TSGA10: variants seen among roughly 807,000 people sequenced by gnomAD.
TSGA10 encodes testis specific 10.
Under a neutral mutation model 96.6 loss-of-function variants are expected in TSGA10, and 43 were observed. That is an observed-to-expected ratio of 0.44 (90% CI 0.35 to 0.57). The LOEUF (loss-of-function observed/expected upper bound fraction) is 0.57, where lower values mean the gene tolerates loss of function less well. TSGA10 is among the 20% of genes least tolerant of loss of function. The pLI is 0.01. For synonymous variants in TSGA10, 229 were observed against 269.9 expected, an observed-to-expected ratio of 0.85 and a Z score of 1.48; for missense variants, 703 against 834.4, an observed-to-expected ratio of 0.84 and a Z score of 1.94.
chr2:99,077,127 C>CTTTTTTTTTTTT (rs35876721), intron 12 of TSGA10, among the ~76,000 whole-genome samples: 1 of 70,430 alleles, frequency 1.4e-5, no homozygotes, highest in African/African-American at 5.7e-5. Flanking sequence ...GACCATTCAC[C>CTTTTTTTTTTTT]TTTTTTTTTT....
chr2:99,127,954 T>C (rs2092914488), intron 1 of TSGA10, among the ~76,000 whole-genome samples: 1 of 152,268 alleles, frequency 6.6e-6, no homozygotes, highest in African/African-American at 2.4e-5. Flanking sequence ...TTTTTCACTT[T>C]AGCATACTAT....
chr2:99,141,130 C>A, intron 1 of TSGA10: 1 of 1,279,776 alleles, frequency 7.8e-7, no homozygotes, highest in African/African-American at 1.5e-5. Flanking sequence ...CCGTCCTGCC[C>A]AGAGCTCATC....
At chr2:99,063,766 A>ACTCTC (rs60670654) in intron 16 of TSGA10, among the ~76,000 whole-genome samples, 52,927 of 151,546 alleles carry the variant, frequency 0.35, 10,510 homozygotes, top group African/African-American at 0.55. Context: ...AGATCACGCC[A>ACTCTC]CTGCACTCCA....
intron 12 of TSGA10, among the ~76,000 whole-genome samples, chr2:99,078,070 G>A (rs2086951029): frequency 6.6e-6 from 1 of 151,242 alleles, no homozygotes; most frequent in East Asian, 2.0e-4. Flanking sequence ...AGGAGATTGA[G>A]ACCATCCTGA....
chr2:99,134,987 C>T (rs150786463), intron 1 of TSGA10, among the ~76,000 whole-genome samples: 1 of 152,158 alleles, frequency 6.6e-6, no homozygotes, highest in Non-Finnish European at 1.5e-5. Context: ...GAGGGGCACC[C>T]ACCAGATGCC....
At chr2:99,087,775 A>G (rs562310338) in intron 10 of TSGA10, among the ~76,000 whole-genome samples, 1 of 152,324 alleles carries the variant, frequency 6.6e-6, no homozygotes, top group East Asian at 1.9e-4. Context: ...TAAAAAAATC[A>G]TACATTTCAG....
At chr2:99,081,190 A>G in intron 11 of TSGA10, 92 bp downstream of exon 11, 1 of 609,260 alleles carries the variant, frequency 1.6e-6, no homozygotes, top group Non-Finnish European at 2.7e-6. Context: ...CTTGTTTCCA[A>G]GTTTTTCTAT....
chr2:99,002,663 A>G (rs2078042322), intron 20 of TSGA10, among the ~76,000 whole-genome samples: 2 of 152,222 alleles, frequency 1.3e-5, no homozygotes, highest in Admixed American at 6.5e-5. Flanking sequence ...AATGGGCTAA[A>G]TACTCCAATT....
intron 20 of TSGA10, among the ~76,000 whole-genome samples, chr2:99,003,154 GC>G (rs1168742788): frequency 3.9e-5 from 6 of 152,046 alleles, no homozygotes; most frequent in African/African-American, 1.4e-4. Context: ...ACCGTGCCTG[GC>G]CTAAAACAGA....
intron 15 of TSGA10, among the ~76,000 whole-genome samples, chr2:99,066,650 C>T (rs1159930902): frequency 6.6e-6 from 1 of 152,114 alleles, no homozygotes; most frequent in Non-Finnish European, 1.5e-5. Flanking sequence ...CCAGTGCTCC[C>T]TCCTTCTTGG....
At chr2:99,138,003 C>T (rs950749619) in intron 1 of TSGA10, among the ~76,000 whole-genome samples, 2 of 151,986 alleles carry the variant, frequency 1.3e-5, no homozygotes, top group Non-Finnish European at 2.9e-5. Context: ...CATCTATGAA[C>T]CAAAAAACCT....
chr2:99,084,802 T>C (rs961468256), intron 10 of TSGA10, among the ~76,000 whole-genome samples: 2 of 151,940 alleles, frequency 1.3e-5, no homozygotes, highest in African/African-American at 4.8e-5. Context: ...CTGATATTGT[T>C]AGTCACCCAA....
chr2:99,022,324 CAAAAAAAAAAAAA>C (rs56381088), intron 17 of TSGA10, among the ~76,000 whole-genome samples: 13 of 43,908 alleles, frequency 3.0e-4, no homozygotes, highest in African/African-American at 9.3e-4. Context: ...GACCCTGTCT[CAAAAAAAAAAAAA>C]AAAAAAAAAA....
At chr2:99,034,270 C>T (rs776917431) in intron 17 of TSGA10, among the ~76,000 whole-genome samples, 20 of 150,754 alleles carry the variant, frequency 1.3e-4, no homozygotes, top group East Asian at 4.0e-4. Flanking sequence ...GGTGTGGTGG[C>T]GGGCACCTGT....
At chr2:99,141,017 C>G in intron 1 of TSGA10, 4 of 1,160,832 alleles carry the variant, frequency 3.4e-6, no homozygotes, top group Non-Finnish European at 3.3e-6. Context: ...TTGCAGCCGC[C>G]TTCTCAGAGA....
chr2:99,143,584 C>T (rs2093600887), intron 1 of TSGA10, among the ~76,000 whole-genome samples: 1 of 151,912 alleles, frequency 6.6e-6, no homozygotes, highest in African/African-American at 2.4e-5. Context: ...AGTTCTCCTG[C>T]CTTAGCCCCT....
intron 17 of TSGA10, among the ~76,000 whole-genome samples, chr2:99,021,511 GA>G (rs941374528): frequency 5.9e-5 from 9 of 152,096 alleles, no homozygotes; most frequent in Admixed American, 2.0e-4. Context: ...AACGTATGGG[GA>G]AAATTTACCC....
intron 16 of TSGA10, among the ~76,000 whole-genome samples, chr2:99,056,826 A>AC (rs2084051490): frequency 6.6e-6 from 1 of 151,546 alleles, no homozygotes; most frequent in Admixed American, 6.6e-5. Context: ...CAAAAAAAAA[A>AC]AAAAAAAAAC....
intron 16 of TSGA10, among the ~76,000 whole-genome samples, chr2:99,060,490 A>G (rs1255252991): frequency 6.6e-6 from 1 of 152,174 alleles, no homozygotes; most frequent in African/African-American, 2.4e-5. Context: ...GGATTGGAAG[A>G]CTCAATATTG....
Sources: gnomAD v4.1 joint callset for allele counts (sites outside exome capture counted in the v4.1 genomes callset) on GRCh38, gnomAD v4.1.1 for gene constraint, MANE v1.5 for transcripts, NCBI Gene and HGNC (gene_info 2026-07-23, HGNC 2026-07-21) for gene names.